SORCS3: variants seen among roughly 807,000 people sequenced by gnomAD.
SORCS3 encodes sortilin related VPS10 domain containing receptor 3.
In SORCS3, 57 loss-of-function variants were observed where a neutral mutation model predicts 146.3. That is an observed-to-expected ratio of 0.39 (90% confidence interval 0.31 to 0.49). SORCS3 has a LOEUF of 0.49. Ranked by LOEUF, SORCS3 falls within the 20% of genes least tolerant of loss-of-function variation. SORCS3 has a pLI of 0.92. For synonymous variants in SORCS3, 653 were observed against 618.5 expected, an observed-to-expected ratio of 1.06 and a Z score of -0.83; for missense variants, 1,341 against 1,575.5, an observed-to-expected ratio of 0.85 and a Z score of 2.52.
chr10:105,243,551 C>G (rs2056848917), intron 20 of SORCS3, among the ~76,000 whole-genome samples: 1 of 152,144 alleles, frequency 6.6e-6, no homozygotes, highest in Non-Finnish European at 1.5e-5. Flanking sequence ...CTGCTTACAC[C>G]TCATTTATCG....
intron 16 of SORCS3, among the ~76,000 whole-genome samples, chr10:105,202,689 G>A (rs935002868): frequency 3.3e-5 from 5 of 152,072 alleles, no homozygotes; most frequent in Non-Finnish European, 5.9e-5. Context: ...CGCCTGGCCC[G>A]CTGTAAACAT....
At chr10:105,014,405 T>C (rs1200872116) in intron 4 of SORCS3, among the ~76,000 whole-genome samples, 3 of 152,032 alleles carry the variant, frequency 2.0e-5, no homozygotes, top group Non-Finnish European at 4.4e-5. Flanking sequence ...AGCCATAAGA[T>C]GAATGTATAT....
intron 1 of SORCS3, among the ~76,000 whole-genome samples, chr10:104,818,777 A>C (rs967057091): frequency 1.3e-5 from 2 of 152,030 alleles, no homozygotes; most frequent in African/African-American, 4.8e-5. Context: ...CATGGGTTCC[A>C]GTTGGGAAAT....
intron 20 of SORCS3, among the ~76,000 whole-genome samples, chr10:105,239,420 A>G (rs1445454233): frequency 6.6e-6 from 1 of 152,194 alleles, no homozygotes; most frequent in Non-Finnish European, 1.5e-5. Flanking sequence ...GTGTCTGGGA[A>G]ACTGATGTAG....
At chr10:104,842,926 A>G (rs377596017) in intron 2 of SORCS3, 67 bp downstream of exon 2, 727 of 1,263,928 alleles carry the variant, frequency 5.8e-4, no homozygotes, top group Non-Finnish European at 7.9e-4. Flanking sequence ...CAAGCTAAGC[A>G]GTTGGGAAGT....
chr10:104,727,545 G>GTA (rs34816369), intron 1 of SORCS3, among the ~76,000 whole-genome samples: 40,107 of 147,722 alleles, frequency 0.27, 5,431 homozygotes, highest in South Asian at 0.35. Context: ...ATGTGTGTGT[G>GTA]TATATATATA....
intron 7 of SORCS3, among the ~76,000 whole-genome samples, chr10:105,128,340 T>C (rs965188460): frequency 6.6e-6 from 1 of 152,132 alleles, no homozygotes; most frequent in Non-Finnish European, 1.5e-5. Context: ...ATCCGTCTAC[T>C]GTTGTCCCAA....
chr10:105,152,939 A>ATT (rs3070108), intron 9 of SORCS3, among the ~76,000 whole-genome samples: 66,932 of 150,918 alleles, frequency 0.44, 15,767 homozygotes, highest in Non-Finnish European at 0.53. Context: ...CTCACTATTA[A>ATT]TTTTTTTTTG....
intron 3 of SORCS3, among the ~76,000 whole-genome samples, chr10:104,965,244 AT>A (rs1289964392): frequency 6.6e-6 from 1 of 152,160 alleles, no homozygotes; most frequent in East Asian, 1.9e-4. Flanking sequence ...GCCACATTGC[AT>A]TTTAGAATAG....
chr10:104,869,042 A>G (rs1239814796), intron 2 of SORCS3, among the ~76,000 whole-genome samples: 2 of 152,156 alleles, frequency 1.3e-5, no homozygotes, highest in Admixed American at 1.3e-4. Context: ...ACCAGAACCA[A>G]TTCAGAAAAC....
chr10:104,687,853 A>G (rs973382428), intron 1 of SORCS3, among the ~76,000 whole-genome samples: 3 of 152,156 alleles, frequency 2.0e-5, no homozygotes, highest in African/African-American at 7.2e-5. Flanking sequence ...AGGGGGGACA[A>G]TAATAGTACT....
At chr10:105,105,092 G>T (rs55706825) in intron 6 of SORCS3, among the ~76,000 whole-genome samples, 1 of 151,998 alleles carries the variant, frequency 6.6e-6, no homozygotes, top group Non-Finnish European at 1.5e-5. Flanking sequence ...AATTAGAATT[G>T]CTGATGTAAG....
At position 104,696,113 on chromosome 10, in the gene SORCS3, T is replaced by A. The variant is rs71473529; in HGVS notation, c.627+54159T>A. On this transcript the variant is annotated intron_variant, in intron 1 of 26. Transcript: ENST00000369701. ...TATATAATATATCATATACACATAT[T>A]ATATATAATATATATCATATACACA... Among the ~76,000 whole-genome samples, 654 of 75,472 alleles carry A rather than the reference T, an allele frequency of 8.7e-3. 4 individuals carry two copies. The highest frequency in any genetic ancestry group is 0.014 in the Admixed American group (82 of 5,812). The allele number at this position is 75,472 out of a possible 152,430, so 49.5% of individuals were successfully genotyped here.
At chr10:105,132,275 T>C (rs982906947) in intron 7 of SORCS3, among the ~76,000 whole-genome samples, 7 of 152,212 alleles carry the variant, frequency 4.6e-5, no homozygotes. Flanking sequence ...TTAATATCTT[T>C]ACCATGTATG....
intron 1 of SORCS3, among the ~76,000 whole-genome samples, chr10:104,781,622 C>G (rs1359121834): frequency 6.6e-6 from 1 of 152,098 alleles, no homozygotes; most frequent in Non-Finnish European, 1.5e-5. Context: ...CCACACAGAA[C>G]AAACAAAAAA....
intron 17 of SORCS3, among the ~76,000 whole-genome samples, chr10:105,211,893 C>T (rs2056636313): frequency 2.0e-5 from 3 of 152,148 alleles, no homozygotes; most frequent in Admixed American, 2.0e-4. Flanking sequence ...TGTTAATGTG[C>T]CTATCAATCA....
intron 20 of SORCS3, among the ~76,000 whole-genome samples, chr10:105,227,985 TTGTGTGTGTGTGTGTGTGTGTGTG>T (rs59033040): frequency 2.3e-4 from 30 of 128,916 alleles, no homozygotes; most frequent in African/African-American, 8.5e-4. Flanking sequence ...TGTGGTCATT[TTGTGTGTGTGTGTGTGTGTGTGTG>T]TGTGTGTGTG....
chr10:104,780,736 C>T (rs1213138202), intron 1 of SORCS3, among the ~76,000 whole-genome samples: 1 of 152,202 alleles, frequency 6.6e-6, no homozygotes, highest in South Asian at 2.1e-4. Context: ...GAGACCAGCC[C>T]TAGAGTTGTT....
At chr10:104,824,761 C>T (rs2017916159) in intron 1 of SORCS3, among the ~76,000 whole-genome samples, 1 of 152,216 alleles carries the variant, frequency 6.6e-6, no homozygotes. Context: ...TGGAGAGATG[C>T]TGATCCCCAG....
Sources: gnomAD v4.1 joint callset for allele counts (sites outside exome capture counted in the v4.1 genomes callset) on GRCh38, gnomAD v4.1.1 for gene constraint, MANE v1.5 for transcripts, NCBI Gene and HGNC (gene_info 2026-07-23, HGNC 2026-07-21) for gene names.